Variants in BDP1 observed in about 807,000 individuals in gnomAD.
The protein encoded by BDP1 is BDP1 general transcription factor IIIB subunit.
BDP1 carries 169 observed loss-of-function variants against 266.6 expected under a neutral mutation model. The ratio of observed to expected loss-of-function variants is 0.63; its 90% CI spans 0.56 to 0.72. The LOEUF (loss-of-function observed/expected upper bound fraction) is 0.72, where lower values mean the gene tolerates loss of function less well. Among genes scored for constraint, BDP1 ranks in the 30% least tolerant of loss-of-function variants. The probability of loss-of-function intolerance (pLI) is 0.00; values close to 1 mark genes in which losing one functional copy is unlikely to be tolerated. For missense variants in BDP1, 3,015 were observed against 3,053.8 expected (o/e 0.99, Z 0.30); for synonymous variants, 1,090 against 1,022.4 (o/e 1.07, Z -1.26).
At chr5:71,493,299 G>T (rs1323095085) in intron 11 of BDP1, among the ~76,000 whole-genome samples, 1 of 152,138 alleles carries the variant, frequency 6.6e-6, no homozygotes, top group Admixed American at 6.5e-5. Flanking sequence ...TTACTCTGTT[G>T]CTCAGGCTAG....
At chr5:71,554,691 T>G (rs1455775947) in intron 35 of BDP1, among the ~76,000 whole-genome samples, 1 of 152,232 alleles carries the variant, frequency 6.6e-6, no homozygotes, top group Non-Finnish European at 1.5e-5. Flanking sequence ...GGTGTGAATA[T>G]GTAAGAAAAG....
Position 71,461,721 on chromosome 5 carries a change from T to G in BDP1, c.490-96T>G. On this transcript the variant is annotated intron_variant, in intron 2 of 38. Coordinates refer to ENST00000358731, the MANE Select transcript of BDP1 (RefSeq NM_018429.3). ...TGGGGTGAGAATAATATTAAAGCAC[T>G]TACAGTGAACGCAACAGTGGACTGT... 6.0e-6 allele frequency: 4 copies of G among 663,666 alleles called. No individual in the cohort carries two copies. In the South Asian group the frequency reaches 8.5e-5, roughly 14 times the overall value. 41.1% of individuals were successfully genotyped at this position (663,666 alleles called of 1,614,324 possible). A position where few individuals can be genotyped will look rare whatever the true frequency, so the allele number is the denominator to read the frequency against.
downstream of BDP1, among the ~76,000 whole-genome samples, chr5:71,568,278 C>G (rs1216476874): frequency 6.6e-6 from 1 of 152,178 alleles, no homozygotes; most frequent in Non-Finnish European, 1.5e-5. Context: ...GCATCGCATC[C>G]TGAATCTGCT....
chr5:71,575,029 T>C, the BDP1 span, among the ~76,000 whole-genome samples: 9 of 152,356 alleles, frequency 5.9e-5, no homozygotes, highest in Admixed American at 3.3e-4. Context: ...TTCAACAAAG[T>C]GCTGAGATTT....
At chr5:71,459,020 G>C (rs978471175) in intron 2 of BDP1, among the ~76,000 whole-genome samples, 165 bp downstream of exon 2, 1 of 151,956 alleles carries the variant, frequency 6.6e-6, no homozygotes, top group African/African-American at 2.4e-5. Flanking sequence ...GATACACCGT[G>C]GACTTAAATT....
At position 71,456,017 on chromosome 5, in the gene BDP1, C is replaced by T. The variant is rs1168635849; in HGVS notation, c.140C>T (p.Pro47Leu). Reference protein sequence around the residue: ...PDPATDSASKPAEPTDVPTVD... With the variant: ...PDPATDSASKLAEPTDVPTVD... ...CCTGCCACGGACTCTGCTTCCAAGC[C>T]CGCGGAGCCCACAGATGTGCCCACA... Residue 47 changes from proline (P) to leucine (L), a missense_variant, in exon 1 of 39, where the codon CCC becomes CTC. Physicochemically the swap from Pro to Leu is moderately conservative, Grantham distance 98. Around this residue, in one of 3 missense-constraint regions of BDP1, gnomAD observed 2,383 missense variants for 2,404.9 expected, o/e 0.99. Transcript: ENST00000358731. The T allele has an allele frequency of 1.9e-6, 3 of 1,613,516 alleles. No homozygotes were observed. Among genetic ancestry groups the T allele is most frequent in the African/African-American group, 2.7e-5 (2 of 74,948 alleles).
At chr5:71,553,090 T>G in intron 34 of BDP1, 26 bp from the exon 35 acceptor site, 1 of 1,546,970 alleles carries the variant, frequency 6.5e-7, no homozygotes, top group South Asian at 1.2e-5. Flanking sequence ...ATTCAGTAAT[T>G]TAGTATGTAT....
chr5:71,544,685 C>T (rs999982293), intron 31 of BDP1, among the ~76,000 whole-genome samples, 178 bp downstream of exon 31: 1 of 151,994 alleles, frequency 6.6e-6, no homozygotes, highest in Non-Finnish European at 1.5e-5. Context: ...CGAGACCATC[C>T]TGGCTAACAC....
At chr5:71,545,969 C>T (rs555378789) in intron 32 of BDP1, among the ~76,000 whole-genome samples, 1 of 152,098 alleles carries the variant, frequency 6.6e-6, no homozygotes, top group Admixed American at 6.5e-5. Context: ...TGCACTCCAG[C>T]CTGGGAGACA....
intron 17 of BDP1, 45 bp from the exon 18 acceptor site, chr5:71,512,196 A>T: frequency 2.9e-6 from 3 of 1,018,058 alleles, no homozygotes; most frequent in Non-Finnish European, 4.0e-6. Context: ...TAAGATGTTT[A>T]AATACTCTTT....
In BDP1 at chr5:71,478,186, G is replaced by T. The variant is rs568196878; in HGVS notation, c.1015-5656G>T. On this transcript the variant is annotated intron_variant, in intron 7 of 38. Transcript: ENST00000358731. Reference sequence around the variant, plus strand: ...AGTCGCTTGAACCCGGGAGGTGGAGGTTGCGATGGCCGAAATCATGCCATT... The same window carrying T: ...AGTCGCTTGAACCCGGGAGGTGGAGTTTGCGATGGCCGAAATCATGCCATT... Among the ~76,000 whole-genome samples the T allele has an allele frequency of 8.5e-5, 13 of 152,228 alleles. No individual in the cohort carries two copies. The East Asian group carries it at 2.5e-3, about 29-fold the overall frequency.
rs1743433711 is a variant in BDP1, at chr5:71,558,975, G to A, written c.7241-1007G>A. On this transcript the variant is annotated intron_variant, in intron 36 of 38. Transcript: ENST00000358731. ...TCGGGAGCAGCCTGGACAACATGGT[G>A]AAACACTGTCTCTGCTAAAAATACA... 2.0e-5 allele frequency among the ~76,000 whole-genome samples: 3 copies of A among 152,036 alleles called. No individual in the cohort carries two copies. The South Asian group carries it at 6.2e-4, about 32-fold the overall frequency.
chr5:71,513,444 T>G (rs542337849), intron 19 of BDP1, 37 bp downstream of exon 19: 4 of 514,932 alleles, frequency 7.8e-6, no homozygotes, highest in South Asian at 9.1e-5. Flanking sequence ...GTGTGGGTGT[T>G]TTTTTTTTTT....
Position 71,520,322 on chromosome 5 carries a change from T to G in BDP1, c.4992-1967T>G, listed in dbSNP as rs191690728. Among the ~76,000 whole-genome samples the G allele has an allele frequency of 7.5e-3, 1,145 of 152,332 alleles. 22 individuals carry two copies. The highest frequency in any genetic ancestry group is 0.017 in the Middle Eastern group (5 of 294). ...AAGTCTTTCCATATTGCTTTTATTT[T>G]AAGATTAAGGCCAATTTTTACTTCA... On this transcript the variant is annotated intron_variant, in intron 22 of 38. Coordinates refer to ENST00000358731, the MANE Select transcript of BDP1 (RefSeq NM_018429.3).
intron 26 of BDP1, 72 bp downstream of exon 26, chr5:71,532,499 G>A (rs988877070): frequency 6.8e-7 from 1 of 1,477,562 alleles, no homozygotes. Flanking sequence ...GGTTCCTTTT[G>A]ATAGCTTTAG....
At chr5:71,547,999 G>A (rs1206234564) in intron 32 of BDP1, among the ~76,000 whole-genome samples, 1 of 152,040 alleles carries the variant, frequency 6.6e-6, no homozygotes, top group African/African-American at 2.4e-5. Context: ...TTAAGCAGTA[G>A]AAGCCCGGCA....
intron 22 of BDP1, among the ~76,000 whole-genome samples, chr5:71,519,183 A>G (rs1004900870): frequency 1.3e-5 from 2 of 151,260 alleles, no homozygotes; most frequent in Non-Finnish European, 2.9e-5. Flanking sequence ...AAAGCCTTAA[A>G]TTTTTTTTTG....
chr5:71,481,645 T>C (rs1762978006), intron 7 of BDP1, among the ~76,000 whole-genome samples: 1 of 152,228 alleles, frequency 6.6e-6, no homozygotes, highest in South Asian at 2.1e-4. Flanking sequence ...TTAAGGCTTG[T>C]CTTAAAGCTT....
chr5:71,553,371 A>G (rs1209581729), intron 35 of BDP1, 51 bp downstream of exon 35: 5 of 1,273,006 alleles, frequency 3.9e-6, no homozygotes, highest in South Asian at 1.3e-5. Context: ...TAAGATGGCC[A>G]TATTGCAACA....
Sources: gnomAD v4.1 joint callset for allele counts (sites outside exome capture counted in the v4.1 genomes callset) on GRCh38, gnomAD v4.1.1 for gene constraint, gnomAD v4.1.1 regional missense constraint, MANE v1.5 for transcripts, NCBI Gene and HGNC (gene_info 2026-07-23, HGNC 2026-07-21) for gene names.